Variants in ARHGAP8 observed in about 807,000 individuals in gnomAD.
ARHGAP8 encodes rho GTPase-activating protein 8.
Under a neutral mutation model 46.1 loss-of-function variants are expected in ARHGAP8, and 62 were observed. That is an observed-to-expected ratio of 1.34 (90% CI 1.10 to 1.66). The LOEUF (loss-of-function observed/expected upper bound fraction) is 1.66. ARHGAP8 is among the 40% of genes most tolerant of loss of function. ARHGAP8 has a pLI of 0.00. For synonymous variants in ARHGAP8, 375 were observed against 243.1 expected, an observed-to-expected ratio of 1.54 and a Z score of -5.05; for missense variants, 923 against 568.4, an observed-to-expected ratio of 1.62 and a Z score of -6.34.
In ARHGAP8 at chr22:44,857,232, G is replaced by A. The variant is rs4823397; in HGVS notation, c.878-2499G>A. Among the ~76,000 whole-genome samples the A allele has an allele frequency of 7.7e-4, 85 of 110,456 alleles. 1 individual carries two copies. Among genetic ancestry groups the A allele is most frequent in the African/African-American group, 1.7e-3 (36 of 21,690 alleles). 72.5% of individuals were successfully genotyped at this position (110,456 alleles called of 152,430 possible). A position where few individuals can be genotyped will look rare whatever the true frequency, so the allele number is the denominator to read the frequency against. ...TGGTATTATAGGTGTGAGCCACCAC[G>A]ACCAGTCTTGAGTAAGAATTCTTTC... On this transcript the variant is annotated intron_variant, in intron 10 of 11. Transcript: ENST00000356099.
intron 1 of ARHGAP8, among the ~76,000 whole-genome samples, chr22:44,781,508 ATTATT>A (rs1317213990): frequency 2.6e-5 from 4 of 151,938 alleles, no homozygotes; most frequent in East Asian, 1.9e-4. Flanking sequence ...TTTATATTAT[ATTATT>A]TTATTTTTTA....
At chr22:44,842,655 A>G (rs1931731109) in intron 7 of ARHGAP8, among the ~76,000 whole-genome samples, 1 of 152,042 alleles carries the variant, frequency 6.6e-6, no homozygotes, top group Non-Finnish European at 1.5e-5. Flanking sequence ...CGTCAGCTGG[A>G]GGTGAGGGCC....
intron 2 of ARHGAP8, among the ~76,000 whole-genome samples, chr22:44,795,825 G>A (rs188990457): frequency 1.3e-5 from 2 of 152,070 alleles, no homozygotes; most frequent in Non-Finnish European, 1.5e-5. Flanking sequence ...AGTCTGGGGG[G>A]CTGCTCCTCC....
chr22:44,757,331 G>A (rs949758698), intron 1 of ARHGAP8, among the ~76,000 whole-genome samples: 2 of 151,382 alleles, frequency 1.3e-5, no homozygotes, highest in African/African-American at 4.9e-5. Context: ...AGGCTAGAGT[G>A]CAATGATGCC....
At position 44,862,455 on chromosome 22, in the gene ARHGAP8, G is replaced by C; in HGVS notation, c.1162G>C (p.Gly388Arg). 1 of 1,613,960 alleles carries C rather than the reference G, an allele frequency of 6.2e-7. No individual in the cohort carries two copies. Among genetic ancestry groups the C allele is most frequent in the Non-Finnish European group, 8.5e-7 (1 of 1,179,922 alleles). The change falls in exon 12 of 12, where the codon GGG (glycine) becomes CGG (arginine). Residue 388 changes from glycine to arginine, a missense_variant. By Grantham distance (125) the Gly-to-Arg change is moderately radical (BLOSUM62 -2). Coordinates refer to ENST00000356099, the MANE Select transcript of ARHGAP8 (RefSeq NM_181335.3). ...EKIFSTPEAP[G>R]EHGLAPWEQG... ...GATCTTCAGCACCCCGGAGGCACCT[G>C]GGGAGCACGGCCTGGCACCATGGGA...
At chr22:44,858,980 A>C (rs903982050) in intron 10 of ARHGAP8, among the ~76,000 whole-genome samples, 2 of 151,804 alleles carry the variant, frequency 1.3e-5, no homozygotes, top group African/African-American at 2.4e-5. Flanking sequence ...GCCACAGGCA[A>C]TGTACAAAAT....
At chr22:44,836,599 T>G (rs1395383755) in intron 7 of ARHGAP8, among the ~76,000 whole-genome samples, 1 of 151,224 alleles carries the variant, frequency 6.6e-6, no homozygotes, top group East Asian at 1.9e-4. Context: ...CTGTGATCGT[T>G]CACATGCACT....
At chr22:44,830,933 C>T (rs957139641) in intron 7 of ARHGAP8, among the ~76,000 whole-genome samples, 1 of 152,180 alleles carries the variant, frequency 6.6e-6, no homozygotes, top group African/African-American at 2.4e-5. Context: ...CGCTGTTGAG[C>T]ATCTTTTCAT....
chr22:44,773,964 T>G (rs992958360), intron 1 of ARHGAP8, among the ~76,000 whole-genome samples: 1 of 152,232 alleles, frequency 6.6e-6, no homozygotes, highest in Non-Finnish European at 1.5e-5. Context: ...ACATACCAGG[T>G]ACCATGCTGG....
At chr22:44,783,876 T>A (rs1308819678) in intron 1 of ARHGAP8, among the ~76,000 whole-genome samples, 1 of 151,932 alleles carries the variant, frequency 6.6e-6, no homozygotes, top group Non-Finnish European at 1.5e-5. Flanking sequence ...TCCCCATCAT[T>A]CTCTCTGCCT....
At chr22:44,841,452 C>T (rs1324066600) in intron 7 of ARHGAP8, among the ~76,000 whole-genome samples, 2 of 152,150 alleles carry the variant, frequency 1.3e-5, no homozygotes, top group Non-Finnish European at 2.9e-5. Flanking sequence ...CGCCTGCTCC[C>T]TGCCTTCCAA....
chr22:44,768,328 C>G (rs1925745088), intron 1 of ARHGAP8, among the ~76,000 whole-genome samples: 1 of 151,612 alleles, frequency 6.6e-6, no homozygotes, highest in African/African-American at 2.4e-5. Context: ...GAGACAGCGT[C>G]TCACTCTTTC....
chr22:44,756,507 C>T (rs936564783), intron 1 of ARHGAP8, among the ~76,000 whole-genome samples: 1 of 151,994 alleles, frequency 6.6e-6, no homozygotes, highest in African/African-American at 2.4e-5. Context: ...AAATGATGTA[C>T]AATGAGCCGC....
At chr22:44,858,090 A>G (rs1189540417) in intron 10 of ARHGAP8, among the ~76,000 whole-genome samples, 2 of 152,228 alleles carry the variant, frequency 1.3e-5, no homozygotes, top group East Asian at 1.9e-4. Context: ...CATTCAAATG[A>G]CTGAACAACA....
chr22:44,795,716 CG>C (rs1928034277), intron 2 of ARHGAP8, among the ~76,000 whole-genome samples: 2 of 152,272 alleles, frequency 1.3e-5, no homozygotes, highest in South Asian at 4.1e-4. Context: ...CAAAGACCTG[CG>C]GTGGCCCATT....
chr22:44,798,529 GTTT>G (rs55701477), intron 2 of ARHGAP8, among the ~76,000 whole-genome samples: 10 of 130,020 alleles, frequency 7.7e-5, no homozygotes, highest in South Asian at 2.6e-4. Flanking sequence ...GGGGACTTGC[GTTT>G]TTTTTTTTTT....
chr22:44,773,331 A>C (rs974731173), intron 1 of ARHGAP8, among the ~76,000 whole-genome samples: 2 of 152,166 alleles, frequency 1.3e-5, no homozygotes, highest in Non-Finnish European at 2.9e-5. Context: ...CTGTCTCAAG[A>C]TGTAGATTTA....
intron 2 of ARHGAP8, among the ~76,000 whole-genome samples, chr22:44,795,913 C>G (rs891078556): frequency 1.9e-4 from 29 of 152,196 alleles, no homozygotes; most frequent in Non-Finnish European, 4.1e-4. Flanking sequence ...GCAGCTCCTC[C>G]TCCTGTGTCC....
chr22:44,825,634 C>A (rs1159597590), intron 7 of ARHGAP8, 41 bp downstream of exon 7: 1 of 1,580,034 alleles, frequency 6.3e-7, no homozygotes, highest in Non-Finnish European at 8.6e-7. Context: ...TGCCCTGGAG[C>A]CCTGGGAGCT....
Sources: allele counts gnomAD v4.1 joint callset (sites outside exome capture counted in the v4.1 genomes callset), GRCh38; gene constraint gnomAD v4.1.1; transcripts MANE v1.5; gene names NCBI Gene and HGNC (gene_info 2026-07-23, HGNC 2026-07-21).